Variants in ITPRID1 observed in about 807,000 individuals in gnomAD.
ITPRID1 encodes protein ITPRID1.
ITPRID1 carries 96 observed loss-of-function variants against 95.4 expected under a neutral mutation model. That is an observed-to-expected ratio of 1.01 (90% confidence interval 0.85 to 1.19). The LOEUF (loss-of-function observed/expected upper bound fraction) is 1.19. Ranked by LOEUF, ITPRID1 falls within the 50% of genes most tolerant of loss-of-function variation. The pLI, the probability that ITPRID1 is intolerant of heterozygous loss-of-function variation, is 0.00. For synonymous variants in ITPRID1, 510 were observed against 453.6 expected (o/e 1.12, Z -1.58); for missense variants, 1,339 against 1,252.9 (o/e 1.07, Z -1.04).
At chr7:31,608,081 T>A (rs1294004937) in intron 10 of ITPRID1, among the ~76,000 whole-genome samples, 9 of 151,846 alleles carry the variant, frequency 5.9e-5, no homozygotes, top group Admixed American at 5.9e-4. Context: ...CTGCATAGTT[T>A]CTGTTTTATC....
intron 1 of ITPRID1, chr7:31,529,963 G>A (rs184996326): frequency 1.7e-5 from 11 of 637,038 alleles, no homozygotes; most frequent in Non-Finnish European, 3.0e-5. Flanking sequence ...ACCTGCAGCT[G>A]TGTGACTGGG....
Position 31,652,768 on chromosome 7 carries a change from T to C in ITPRID1, c.3074T>C (p.Leu1025Ser), listed in dbSNP as rs183033798. The C allele has an allele frequency of 1.2e-6, 2 of 1,613,898 alleles. No homozygotes were observed. The highest frequency in any genetic ancestry group is 3.3e-5 in the Admixed American group (2 of 60,016). The change falls in exon 15 of 15, where the codon TTA becomes TCA. Residue 1025 changes from leucine to serine, a missense_variant. Physicochemically the swap from Leu to Ser is moderately radical, Grantham distance 145. Coordinates refer to ENST00000615280, the MANE Select transcript of ITPRID1 (RefSeq NM_001257967.3). ...CCTTCATCATCAGCTTGGGCAAAGT[T>C]AGGTCCAACCCCTTTGTCAAATTGT... is the stretch of plus-strand genomic sequence containing the variant. Reference protein sequence around the residue: ...MSPSSSAWAKLGPTPLSNCPV... With the variant: ...MSPSSSAWAKSGPTPLSNCPV...
Position 31,595,381 on chromosome 7 carries a change from G to T in ITPRID1, c.1228+12190G>T, listed in dbSNP as rs565036483. 3.2e-3 allele frequency among the ~76,000 whole-genome samples: 411 copies of T among 128,654 alleles called. 1 individual carries two copies. Among genetic ancestry groups the T allele is most frequent in the African/African-American group, 0.012 (393 of 34,132 alleles). 84.4% of individuals were successfully genotyped at this position (128,654 alleles called of 152,430 possible). A position where few individuals can be genotyped will look rare whatever the true frequency, so the allele number is the denominator to read the frequency against. ...ACACACACACACACACACTGTATGA[G>T]CCACATTTTTATAGATATAAATGCA... is the stretch of plus-strand genomic sequence containing the variant. On this transcript the variant is annotated intron_variant, in intron 10 of 14. Transcript: ENST00000615280.
chr7:31,644,904 A>G (rs986084), intron 12 of ITPRID1, among the ~76,000 whole-genome samples: 118,507 of 152,158 alleles, frequency 0.78, 46,234 homozygotes, highest in East Asian at 0.83. Flanking sequence ...TTTAGTGCCT[A>G]CTGAGTTACC....
intron 10 of ITPRID1, among the ~76,000 whole-genome samples, chr7:31,614,534 A>T (rs1461570197): frequency 1.3e-5 from 2 of 152,230 alleles, no homozygotes; most frequent in Non-Finnish European, 2.9e-5. Context: ...TATATACTCC[A>T]TGAATGCAGT....
At chr7:31,647,841 C>G (rs2128216577) in intron 12 of ITPRID1, among the ~76,000 whole-genome samples, 1 of 152,168 alleles carries the variant, frequency 6.6e-6, no homozygotes, top group East Asian at 1.9e-4. Flanking sequence ...ATATATAACA[C>G]TGCAGATAAA....
chr7:31,565,990 T>C (rs1308271691), intron 5 of ITPRID1, among the ~76,000 whole-genome samples: 1 of 152,186 alleles, frequency 6.6e-6, no homozygotes, highest in African/African-American at 2.4e-5. Flanking sequence ...GCACATTCCC[T>C]AGCAAACATG....
At chr7:31,542,572 C>T (rs1470096214) in intron 1 of ITPRID1, among the ~76,000 whole-genome samples, 2 of 152,060 alleles carry the variant, frequency 1.3e-5, no homozygotes, top group African/African-American at 4.8e-5. Context: ...TCCTTTATGT[C>T]TGTGGACTAG....
chr7:31,549,493 A>C lies in ITPRID1; in HGVS notation c.-30A>C. 6.6e-7 allele frequency: 1 copy of C among 1,525,408 alleles called. No homozygotes were observed. Among genetic ancestry groups the C allele is most frequent in the Non-Finnish European group, 8.8e-7 (1 of 1,141,794 alleles). 94.5% of individuals were successfully genotyped at this position (1,525,408 alleles called of 1,614,324 possible). A position where few individuals can be genotyped will look rare whatever the true frequency, so the allele number is the denominator to read the frequency against. ...GGAAAAAGAAAGAAAACTGACCAAT[A>C]TGAGTGGTGATTGTTTTGGATATAT... On this transcript the variant is annotated 5_prime_UTR_variant, in exon 2 of 15. An upstream start codon of the reference 5' UTR is lost. Coordinates refer to ENST00000615280, the MANE Select transcript of ITPRID1 (RefSeq NM_001257967.3).
intron 5 of ITPRID1, among the ~76,000 whole-genome samples, chr7:31,555,889 C>T (rs1466714801): frequency 1.3e-5 from 2 of 152,188 alleles, no homozygotes; most frequent in East Asian, 1.9e-4. Context: ...TTTCACCAAC[C>T]TTCTTTATTT....
chr7:31,536,703 CT>C (rs1164493524), intron 1 of ITPRID1, among the ~76,000 whole-genome samples: 1 of 152,090 alleles, frequency 6.6e-6, no homozygotes, highest in African/African-American at 2.4e-5. Flanking sequence ...TTTGCTGTCA[CT>C]TTAGTTAGTT....
chr7:31,610,589 T>C (rs1235573342), intron 10 of ITPRID1, among the ~76,000 whole-genome samples: 1 of 151,688 alleles, frequency 6.6e-6, no homozygotes, highest in African/African-American at 2.4e-5. Flanking sequence ...TGTTTTTCTC[T>C]GCATTTCTGT....
At chr7:31,565,812 A>G (rs1784782644) in intron 5 of ITPRID1, among the ~76,000 whole-genome samples, 1 of 152,144 alleles carries the variant, frequency 6.6e-6, no homozygotes, top group Non-Finnish European at 1.5e-5. Context: ...GATTCCAGTG[A>G]GGGGAGTCAG....
intron 1 of ITPRID1, among the ~76,000 whole-genome samples, chr7:31,542,127 A>G (rs1165574011): frequency 2.0e-5 from 3 of 152,186 alleles, no homozygotes; most frequent in Non-Finnish European, 4.4e-5. Flanking sequence ...ATAGTCTTAA[A>G]TACATGTTAC....
At chr7:31,587,869 G>A (rs973388014) in intron 10 of ITPRID1, among the ~76,000 whole-genome samples, 2 of 151,804 alleles carry the variant, frequency 1.3e-5, no homozygotes, top group Non-Finnish European at 2.9e-5. Flanking sequence ...TGACAAACCT[G>A]AGAAAAAGAA....
intron 10 of ITPRID1, among the ~76,000 whole-genome samples, chr7:31,636,461 G>T (rs1486080614): frequency 6.6e-6 from 1 of 152,200 alleles, no homozygotes; most frequent in Non-Finnish European, 1.5e-5. Flanking sequence ...TGTATGGAGA[G>T]TCCTTCAGTT....
intron 1 of ITPRID1, among the ~76,000 whole-genome samples, chr7:31,534,747 A>G (rs1783707120): frequency 6.6e-6 from 1 of 151,894 alleles, no homozygotes; most frequent in Non-Finnish European, 1.5e-5. Context: ...TTCCATGTAC[A>G]TTTAATGTAA....
intron 1 of ITPRID1, among the ~76,000 whole-genome samples, chr7:31,523,390 C>G (rs368516458): frequency 6.6e-6 from 1 of 152,162 alleles, no homozygotes; most frequent in Non-Finnish European, 1.5e-5. Flanking sequence ...AAGGGTGTCA[C>G]GTGAAGAGCT....
intron 10 of ITPRID1, among the ~76,000 whole-genome samples, chr7:31,625,352 G>A (rs971717530): frequency 6.6e-6 from 1 of 151,930 alleles, no homozygotes; most frequent in African/African-American, 2.4e-5. Context: ...ATTCACAATA[G>A]CAAAGACTTG....
Sources: gnomAD v4.1 joint callset for allele counts (sites outside exome capture counted in the v4.1 genomes callset) on GRCh38, gnomAD v4.1.1 for gene constraint, MANE v1.5 for transcripts, NCBI Gene and HGNC (gene_info 2026-07-23, HGNC 2026-07-21) for gene names.